Variants in RAPGEF3 observed in about 807,000 individuals in gnomAD.
RAPGEF3 encodes the protein 9330170P05Rik.
A neutral mutation model predicts 129.8 loss-of-function variants in RAPGEF3; 103 were observed. That is an observed-to-expected ratio of 0.79 (90% confidence interval 0.68 to 0.93). The LOEUF (loss-of-function observed/expected upper bound fraction) is 0.93, where lower values mean the gene tolerates loss of function less well. RAPGEF3 is among the 40% of genes least tolerant of loss of function. The pLI, the probability that RAPGEF3 is intolerant of heterozygous loss-of-function variation, is 0.00. For missense variants in RAPGEF3, 1,117 were observed against 1,207.4 expected (o/e 0.93, Z 1.11); for synonymous variants, 436 against 482.6 (o/e 0.90, Z 1.26).
chr12:47,757,975 T>C lies in RAPGEF3; in HGVS notation c.110A>G (p.Glu37Gly), dbSNP rs1432530882. Reference protein sequence around the residue: ...RVGALPDVVPEGTLLNMVLRR... With the variant: ...RVGALPDVVPGGTLLNMVLRR... Reference sequence around the variant, plus strand: ...CAACACCATGTTGAGTAGTGTCCCCTCCGGCACCACGTCAGGGAGGGCTCC... The same window carrying C: ...CAACACCATGTTGAGTAGTGTCCCCCCCGGCACCACGTCAGGGAGGGCTCC... Residue 37 changes from glutamate to glycine, a missense_variant, in exon 2 of 28, where the codon GAG (glutamate) becomes GGG (glycine). Around this residue, in one of 3 missense-constraint regions of RAPGEF3, gnomAD observed 367 missense variants for 373.4 expected, o/e 0.98. Transcript: ENST00000449771. The C allele has an allele frequency of 6.4e-7, 1 of 1,565,964 alleles. No individual in the cohort carries two copies. The highest frequency in any genetic ancestry group is 2.4e-5 in the East Asian group (1 of 42,346).
At chr12:47,755,158 C>G (rs1178481186) in intron 2 of RAPGEF3, among the ~76,000 whole-genome samples, 1 of 152,194 alleles carries the variant, frequency 6.6e-6, no homozygotes, top group African/African-American at 2.4e-5. Context: ...TGAGCTTGGA[C>G]TCTGCAGCCA....
At chr12:47,753,692 C>T (rs527251861) in intron 2 of RAPGEF3, among the ~76,000 whole-genome samples, 15 of 152,342 alleles carry the variant, frequency 9.8e-5, no homozygotes, top group Non-Finnish European at 1.9e-4. Context: ...CCCCCTGTGT[C>T]GGAACAAACA....
At chr12:47,752,340 G>A (rs910767722) in intron 2 of RAPGEF3, among the ~76,000 whole-genome samples, 3 of 152,216 alleles carry the variant, frequency 2.0e-5, no homozygotes, top group Non-Finnish European at 4.4e-5. Flanking sequence ...AGAAGACCTG[G>A]GAGATGGGAG....
chr12:47,739,253 G>A (rs1188503170), intron 23 of RAPGEF3, 23 bp from the exon 24 acceptor site: 57 of 1,571,062 alleles, frequency 3.6e-5, no homozygotes, highest in Non-Finnish European at 4.7e-5. Flanking sequence ...GCCACACTGA[G>A]GGGGTTGCAC....
chr12:47,748,576 C>T lies in RAPGEF3; in HGVS notation c.1155-34G>A, dbSNP rs199984726. The T allele has an allele frequency of 3.8e-5, 57 of 1,512,684 alleles. No homozygotes were observed. The African/African-American group carries it at 6.7e-4, about 18-fold the overall frequency. The allele number at this position is 1,512,684 out of a possible 1,614,324, so 93.7% of individuals were successfully genotyped here. On this transcript the variant is annotated intron_variant, in intron 11 of 27. Transcript: ENST00000449771. ...AATGGCCAATCTTTGGCACTGGTGCCACTACTCCCCACTCCCACACCTGGG... is the reference window on the plus strand; with the variant it reads ...AATGGCCAATCTTTGGCACTGGTGCTACTACTCCCCACTCCCACACCTGGG...
At position 47,751,963 on chromosome 12, in the gene RAPGEF3, G is replaced by C; in HGVS notation, c.226C>G (p.Leu76Val). The C allele has an allele frequency of 1.9e-6, 3 of 1,614,200 alleles. No individual in the cohort carries two copies. The highest frequency in any genetic ancestry group is 2.5e-6 in the Non-Finnish European group (3 of 1,180,026). ...TCCAGGGACTCCTCGCTGTTGGTGA[G>C]TGGTGTCTGGGGGCAGCAGGGAAAG... ...SCIQGLRWTP[L>V]TNSEESLDFS... Residue 76 changes from leucine (L) to valine (V), a missense_variant, in exon 3 of 28, where the codon CTC becomes GTC. Physicochemically the swap from Leu to Val is conservative, Grantham distance 32. This residue lies in a region of RAPGEF3 where 367 missense variants were observed against 373.4 expected (regional missense o/e 0.98). Coordinates refer to ENST00000449771, the MANE Select transcript of RAPGEF3 (RefSeq NM_001098531.4).
chr12:47,748,282 T>G (rs527886810), intron 12 of RAPGEF3, 130 bp from the exon 13 acceptor site: 12 of 977,306 alleles, frequency 1.2e-5, no homozygotes, highest in South Asian at 3.1e-5. Flanking sequence ...GTCCAGCCCC[T>G]GTGATAGTGC....
At chr12:47,746,987 G>T in intron 15 of RAPGEF3, 88 bp from the exon 16 acceptor site, 1 of 1,304,482 alleles carries the variant, frequency 7.7e-7, no homozygotes, top group South Asian at 1.3e-5. Context: ...ATTCTCCCCG[G>T]CCCTCACCAG....
At chr12:47,740,115 C>A (rs1941051516) in intron 23 of RAPGEF3, 26 bp downstream of exon 23, 2 of 1,608,384 alleles carry the variant, frequency 1.2e-6, no homozygotes, top group South Asian at 2.2e-5. Flanking sequence ...CTAGCAGAGC[C>A]AGGCCGGGCA....
At chr12:47,757,241 A>G (rs56907417) in intron 2 of RAPGEF3, among the ~76,000 whole-genome samples, 3,673 of 152,214 alleles carry the variant, frequency 0.024, 141 homozygotes, top group African/African-American at 0.084. Flanking sequence ...CTTGCCTCCC[A>G]AATCCCACCA....
At chr12:47,741,697 A>T (rs1592542006) in intron 18 of RAPGEF3, 95 bp from the exon 19 acceptor site, 1 of 1,053,466 alleles carries the variant, frequency 9.5e-7, no homozygotes, top group South Asian at 1.3e-5. Flanking sequence ...GGAGGCTGAG[A>T]GGTTGTTTCT....
In RAPGEF3 at chr12:47,749,219, C is replaced by T. The variant is rs1328381140; in HGVS notation, c.1041+171G>A. The T allele has an allele frequency of 1.6e-5, 13 of 819,764 alleles. No individual in the cohort carries two copies. The highest frequency in any genetic ancestry group is 7.9e-6 in the Non-Finnish European group (4 of 508,672). 50.8% of individuals were successfully genotyped at this position (819,764 alleles called of 1,614,324 possible). On this transcript the variant is annotated intron_variant, in intron 10 of 27. Transcript: ENST00000449771. The surrounding 1 kb of genome is among the most constrained non-coding windows in gnomAD (Gnocchi z 4.5). ...CTGAACTCCTTCTGTGCCTTATGGG[C>T]TTCACCTTCTCACACACACCCAGGG...
intron 2 of RAPGEF3, among the ~76,000 whole-genome samples, chr12:47,753,084 C>A (rs553798795): frequency 2.0e-5 from 3 of 152,212 alleles, no homozygotes; most frequent in East Asian, 3.8e-4. Flanking sequence ...GTTTACAAAG[C>A]ACTTTACAGT....
chr12:47,750,065 G>A, intron 7 of RAPGEF3, 75 bp from the exon 8 acceptor site: 1 of 1,550,660 alleles, frequency 6.4e-7, no homozygotes, highest in Non-Finnish European at 8.9e-7. Flanking sequence ...TAGGGGTGTG[G>A]TTAGGTCCAA....
In RAPGEF3 at chr12:47,735,257, C is replaced by G. The variant is rs912196493; in HGVS notation, c.*2310G>C. The stretch of plus-strand genomic sequence containing the variant: ...CATGAGCCCCTCCTCCCTTTGTGGC[C>G]TTCTTGCAGCTGAGACACAAAATGG... On this transcript the variant is annotated 3_prime_UTR_variant, in exon 28 of 28. Transcript: ENST00000449771. 1 of 152,082 alleles carries G rather than the reference C, an allele frequency of 6.6e-6. No homozygotes were observed. The highest frequency in any genetic ancestry group is 1.5e-5 in the Non-Finnish European group (1 of 68,098). The allele number at this position is 152,082 out of a possible 1,614,324, so 9.4% of individuals were successfully genotyped here.
chr12:47,740,764 G>A lies in RAPGEF3; in HGVS notation c.2109C>T (p.Asn703=), dbSNP rs765281477. 21 of 1,613,976 alleles carry A rather than the reference G, an allele frequency of 1.3e-5. No individual in the cohort carries two copies. The highest frequency in any genetic ancestry group is 1.3e-5 in the African/African-American group (1 of 74,942). The part of the protein sequence containing the change: ...PQHLRDVTTA[N]LERFMRRFNE... ...TGAAGCGGCGCATGAAGCGCTCCAG[G>A]TTGGCGGTGGTGACATCCCGCAGAT... is the stretch of plus-strand genomic sequence containing the variant. The change falls in exon 21 of 28, where the codon AAC becomes AAT. Residue 703 remains asparagine, a synonymous_variant. Transcript: ENST00000449771.
Position 47,737,504 on chromosome 12 carries a change from G to T in RAPGEF3, c.*63C>A. 3 of 1,468,828 alleles carry T rather than the reference G, an allele frequency of 2.0e-6. No individual in the cohort carries two copies. The highest frequency in any genetic ancestry group is 2.3e-5 in the East Asian group (1 of 43,104). 91.0% of individuals were successfully genotyped at this position (1,468,828 alleles called of 1,614,324 possible). On this transcript the variant is annotated 3_prime_UTR_variant, in exon 28 of 28. Coordinates refer to ENST00000449771, the MANE Select transcript of RAPGEF3 (RefSeq NM_001098531.4). Reference sequence around the variant, plus strand: ...CTGTGGCCAGCCTGTGAGTATCTTGGCCCGGCACACCCTGGCTTTCCCGGC... The same window carrying T: ...CTGTGGCCAGCCTGTGAGTATCTTGTCCCGGCACACCCTGGCTTTCCCGGC...
At chr12:47,756,786 T>A (rs1942084613) in intron 2 of RAPGEF3, among the ~76,000 whole-genome samples, 4 of 151,988 alleles carry the variant, frequency 2.6e-5, no homozygotes, top group Admixed American at 2.6e-4. Context: ...CTGGCCAATA[T>A]GGTGAAACCC....
chr12:47,749,469 CG>C lies in RAPGEF3; in HGVS notation c.961del (p.Arg321GlyfsTer68). 1.2e-6 allele frequency: 2 copies of C among 1,613,224 alleles called. No homozygotes were observed. The highest frequency in any genetic ancestry group is 8.5e-7 in the Non-Finnish European group (1 of 1,180,016). On this transcript the variant is annotated frameshift_variant, in exon 10 of 28. Transcript: ENST00000449771. LOFTEE classifies it high-confidence loss of function. The surrounding 1 kb of genome is among the most constrained non-coding windows in gnomAD (Gnocchi z 4.5). ...TTCTCGCAGGATGATGGTGGCTGCC[CG>C]GGGTGCATCATTCACCAGAGCCAGC... The part of the protein sequence containing the change: ...GQLALVNDAP[R>X]AATIILREDN...
Sources: gnomAD v4.1 joint callset for allele counts (sites outside exome capture counted in the v4.1 genomes callset) on GRCh38, gnomAD v4.1.1 for gene constraint, gnomAD v4.1.1 regional missense constraint, Gnocchi (gnomAD v3.1) non-coding constraint, MANE v1.5 for transcripts, NCBI Gene and HGNC (gene_info 2026-07-23, HGNC 2026-07-21) for gene names.